The following RAB3IP variants were observed in gnomAD, a reference collection of about 807,000 sequenced individuals.
The protein encoded by RAB3IP is rab-3A-interacting protein.
RAB3IP carries 36 observed loss-of-function variants against 59.1 expected under a neutral mutation model. That is an observed-to-expected ratio of 0.61 (90% CI 0.47 to 0.80). The LOEUF (loss-of-function observed/expected upper bound fraction) is 0.80. RAB3IP is among the 30% of genes least tolerant of loss of function. The probability of loss-of-function intolerance (pLI) is 0.00; values close to 1 mark genes in which losing one functional copy is unlikely to be tolerated. For synonymous variants in RAB3IP, 207 were observed against 191.2 expected, an observed-to-expected ratio of 1.08 and a Z score of -0.68; for missense variants, 511 against 536.0, an observed-to-expected ratio of 0.95 and a Z score of 0.46.
At chr12:69,759,602 G>A (rs977285963) in intron 3 of RAB3IP, among the ~76,000 whole-genome samples, 7 of 151,200 alleles carry the variant, frequency 4.6e-5, no homozygotes, top group African/African-American at 9.7e-5. Context: ...GGCGGCGGCC[G>A]GGCGGAGGCG....
chr12:69,745,399 T>C (rs1193671027), intron 1 of RAB3IP, among the ~76,000 whole-genome samples: 1 of 151,780 alleles, frequency 6.6e-6, no homozygotes, highest in Non-Finnish European at 1.5e-5. Flanking sequence ...TATAGTAAAT[T>C]CAAGTTTCTG....
At chr12:69,782,823 T>G (rs1473744233) in intron 3 of RAB3IP, among the ~76,000 whole-genome samples, 12 of 152,180 alleles carry the variant, frequency 7.9e-5, no homozygotes, top group Non-Finnish European at 1.5e-4. Flanking sequence ...TGTTTTTTTT[T>G]GTTTTTTTAA....
chr12:69,794,188 G>C (rs1331319649), intron 4 of RAB3IP, among the ~76,000 whole-genome samples: 1 of 152,166 alleles, frequency 6.6e-6, no homozygotes, highest in Non-Finnish European at 1.5e-5. Context: ...CCTTACGCAA[G>C]TATCTATCCG....
chr12:69,758,609 C>T (rs1870611426), intron 3 of RAB3IP, among the ~76,000 whole-genome samples: 1 of 151,998 alleles, frequency 6.6e-6, no homozygotes, highest in Non-Finnish European at 1.5e-5. Context: ...TTGTATGTTT[C>T]ACTTCTTTGT....
intron 7 of RAB3IP, 76 bp downstream of exon 7, chr12:69,800,413 T>C: frequency 1.2e-6 from 1 of 831,614 alleles, no homozygotes; most frequent in Non-Finnish European, 1.7e-6. Flanking sequence ...ATATTACATA[T>C]TTTAATATCT....
chr12:69,810,799 C>T (rs186857120), intron 8 of RAB3IP, among the ~76,000 whole-genome samples: 4 of 152,186 alleles, frequency 2.6e-5, no homozygotes, highest in South Asian at 2.1e-4. Flanking sequence ...AAGAGGATTA[C>T]GGTCTAGATT....
At chr12:69,794,242 A>G in intron 4 of RAB3IP, among the ~76,000 whole-genome samples, 195 bp from the exon 5 acceptor site, 1 of 152,316 alleles carries the variant, frequency 6.6e-6, no homozygotes, top group East Asian at 1.9e-4. Flanking sequence ...AATAGGTCCT[A>G]AAAGAAGGCA....
intron 1 of RAB3IP, among the ~76,000 whole-genome samples, chr12:69,749,918 A>G (rs1363649543): frequency 6.6e-6 from 1 of 152,218 alleles, no homozygotes; most frequent in Non-Finnish European, 1.5e-5. Flanking sequence ...GTCATTAGTA[A>G]ATACTTGCTG....
intron 1 of RAB3IP, chr12:69,739,993 C>G (rs1887146920): frequency 1.2e-6 from 1 of 852,666 alleles, no homozygotes; most frequent in Admixed American, 2.2e-5. Flanking sequence ...TTCACCCCAA[C>G]TCCTTCCGTT....
At chr12:69,814,397 A>G (rs1489030219) in intron 10 of RAB3IP, among the ~76,000 whole-genome samples, 1 of 152,142 alleles carries the variant, frequency 6.6e-6, no homozygotes, top group East Asian at 1.9e-4. Context: ...GTAAACAGGT[A>G]TTAGTCTTAA....
At chr12:69,760,144 G>A (rs1006723251) in intron 3 of RAB3IP, among the ~76,000 whole-genome samples, 11 of 152,262 alleles carry the variant, frequency 7.2e-5, no homozygotes, top group Admixed American at 2.0e-4. Flanking sequence ...TCGGGAGGCC[G>A]AGGCTGGCGG....
At chr12:69,768,634 G>A (rs1872616427) in intron 3 of RAB3IP, among the ~76,000 whole-genome samples, 1 of 152,172 alleles carries the variant, frequency 6.6e-6, no homozygotes, top group South Asian at 2.1e-4. Flanking sequence ...AGTGTCTCAC[G>A]CAGATCAGTT....
At chr12:69,767,299 C>G (rs1188423065) in intron 3 of RAB3IP, among the ~76,000 whole-genome samples, 1 of 152,210 alleles carries the variant, frequency 6.6e-6, no homozygotes, top group Non-Finnish European at 1.5e-5. Context: ...ATTTGACCTA[C>G]AAGTCAGTAG....
At chr12:69,801,565 T>TTTTTATC in intron 7 of RAB3IP, 44 bp from the exon 8 acceptor site, 1 of 1,276,110 alleles carries the variant, frequency 7.8e-7, no homozygotes, top group Non-Finnish European at 1.1e-6. Flanking sequence ...ATTTTGATAT[T>TTTTTATC]TTTCTGCCAG....
chr12:69,785,597 C>A (rs925263116), intron 4 of RAB3IP, among the ~76,000 whole-genome samples: 1 of 152,190 alleles, frequency 6.6e-6, no homozygotes, highest in Non-Finnish European at 1.5e-5. Flanking sequence ...GAAAAAAAAT[C>A]TCTTCCTTGA....
In RAB3IP at chr12:69,819,011, T is replaced by C. The variant is rs184358358; in HGVS notation, c.*3565T>C. ...GATCCTTGAGGCCAGTTCAAGGCTA[T>C]AGTGTGCTATGATTTCACCTGTGAA... On this transcript the variant is annotated 3_prime_UTR_variant, in exon 11 of 11. Coordinates refer to ENST00000247833, the MANE Select transcript of RAB3IP (RefSeq NM_022456.5). 5 of 152,306 alleles carry C rather than the reference T, an allele frequency of 3.3e-5. No homozygotes were observed. The East Asian group carries it at 9.6e-4, about 29-fold the overall frequency. 9.4% of individuals were successfully genotyped at this position (152,306 alleles called of 1,614,324 possible).
At chr12:69,813,798 ATAT>A (rs1880800877) in intron 10 of RAB3IP, among the ~76,000 whole-genome samples, 1 of 152,168 alleles carries the variant, frequency 6.6e-6, no homozygotes, top group Non-Finnish European at 1.5e-5. Flanking sequence ...GGCACTGAAA[ATAT>A]TATCTTGCTT....
At chr12:69,767,192 A>T (rs567723581) in intron 3 of RAB3IP, among the ~76,000 whole-genome samples, 4 of 149,592 alleles carry the variant, frequency 2.7e-5, no homozygotes, top group Non-Finnish European at 5.9e-5. Context: ...TTTCCTCCCT[A>T]TTGGGGTGTG....
chr12:69,791,547 C>T (rs1263505270), intron 4 of RAB3IP, among the ~76,000 whole-genome samples: 3 of 152,098 alleles, frequency 2.0e-5, no homozygotes, highest in African/African-American at 7.2e-5. Flanking sequence ...ATACAAATGG[C>T]CAACCGGTAT....
Sources: allele counts gnomAD v4.1 joint callset (sites outside exome capture counted in the v4.1 genomes callset), GRCh38; gene constraint gnomAD v4.1.1; transcripts MANE v1.5; gene names NCBI Gene and HGNC (gene_info 2026-07-23, HGNC 2026-07-21).